Variants in THSD7A observed in about 807,000 individuals in gnomAD.
The protein encoded by THSD7A is thrombospondin type 1 domain containing 7A, also known as thrombospondin type-1 domain-containing protein 7A.
Under a neutral mutation model 231.3 loss-of-function variants are expected in THSD7A, and 96 were observed. The ratio of observed to expected loss-of-function variants is 0.41; its 90% CI spans 0.35 to 0.49. THSD7A has a LOEUF of 0.49. Ranked by LOEUF, THSD7A falls within the 20% of genes least tolerant of loss-of-function variation. The pLI is 0.05. For missense variants in THSD7A, 2,290 were observed against 2,070.2 expected, an observed-to-expected ratio of 1.11 and a Z score of -2.06; for synonymous variants, 940 against 743.3, an observed-to-expected ratio of 1.26 and a Z score of -4.30.
In THSD7A at chr7:11,412,675, G is replaced by C. The variant is rs759558549; in HGVS notation, c.3663C>G (p.His1221Gln). 6.2e-7 allele frequency: 1 copy of C among 1,613,822 alleles called. No homozygotes were observed. The highest frequency in any genetic ancestry group is 1.7e-5 in the Admixed American group (1 of 59,994). ...EPCNLNKNCY[H>Q]YDYNVTDWST... ...ATGTACCTGTTACATTATAATCATA[G>C]TGGTAGCAGTTTTTGTTCAGGTTAC... is the stretch of plus-strand genomic sequence containing the variant. Residue 1221 changes from histidine to glutamine, a missense_variant, in exon 18 of 28, where the codon CAC (histidine) becomes CAG (glutamine). Transcript: ENST00000423059.
At chr7:11,610,222 C>T (rs142104530) in intron 2 of THSD7A, among the ~76,000 whole-genome samples, 1 of 152,234 alleles carries the variant, frequency 6.6e-6, no homozygotes, top group East Asian at 1.9e-4. Context: ...TGATTATATA[C>T]TGACTCTTGT....
chr7:11,532,686 T>C (rs532516248), intron 6 of THSD7A, among the ~76,000 whole-genome samples: 1 of 152,166 alleles, frequency 6.6e-6, no homozygotes, highest in South Asian at 2.1e-4. Context: ...AGATAGAAAA[T>C]GTAAGTATTT....
intron 6 of THSD7A, among the ~76,000 whole-genome samples, chr7:11,500,931 C>A (rs1787307342): frequency 7.3e-6 from 1 of 136,998 alleles, no homozygotes. Flanking sequence ...GAAACTCTGT[C>A]TCAAAAAAAG....
chr7:11,548,885 A>G (rs1789509784), intron 4 of THSD7A, among the ~76,000 whole-genome samples: 1 of 151,966 alleles, frequency 6.6e-6, no homozygotes, highest in South Asian at 2.1e-4. Flanking sequence ...CACACAACCA[A>G]TATTATACCA....
intron 6 of THSD7A, among the ~76,000 whole-genome samples, chr7:11,491,797 C>T (rs917221242): frequency 6.7e-6 from 1 of 150,254 alleles, no homozygotes; most frequent in African/African-American, 2.5e-5. Context: ...GTTGATCTCT[C>T]CAGCTTTGCC....
chr7:11,756,841 C>T (rs1183770914), intron 1 of THSD7A, among the ~76,000 whole-genome samples: 2 of 152,000 alleles, frequency 1.3e-5, no homozygotes, highest in African/African-American at 4.8e-5. Context: ...TAAATCAAAA[C>T]AGCATTTTGT....
At chr7:11,480,507 T>C (rs1786379033) in intron 7 of THSD7A, among the ~76,000 whole-genome samples, 1 of 152,218 alleles carries the variant, frequency 6.6e-6, no homozygotes, top group African/African-American at 2.4e-5. Context: ...GTTAGAGTCA[T>C]TGTTTGACAA....
chr7:11,566,240 G>A (rs1213159043), intron 4 of THSD7A, among the ~76,000 whole-genome samples: 1 of 152,144 alleles, frequency 6.6e-6, no homozygotes, highest in Non-Finnish European at 1.5e-5. Context: ...CATGACCTAT[G>A]CTCAACCTTA....
chr7:11,660,080 A>G (rs1313018897), intron 1 of THSD7A, among the ~76,000 whole-genome samples: 2 of 151,646 alleles, frequency 1.3e-5, no homozygotes, highest in African/African-American at 4.8e-5. Context: ...ATTTATGTCA[A>G]GATGAATGGA....
At chr7:11,508,938 A>T (rs1221551432) in intron 6 of THSD7A, among the ~76,000 whole-genome samples, 1 of 152,206 alleles carries the variant, frequency 6.6e-6, no homozygotes, top group Non-Finnish European at 1.5e-5. Context: ...CAGGGGCTGT[A>T]GGAGAGGGAA....
At chr7:11,613,435 G>A (rs1406236774) in intron 2 of THSD7A, among the ~76,000 whole-genome samples, 1 of 152,182 alleles carries the variant, frequency 6.6e-6, no homozygotes, top group Non-Finnish European at 1.5e-5. Flanking sequence ...TTACGGCTCA[G>A]TGGAACTCAT....
intron 4 of THSD7A, among the ~76,000 whole-genome samples, chr7:11,589,520 C>T (rs962928198): frequency 1.2e-4 from 18 of 152,198 alleles, no homozygotes; most frequent in Admixed American, 9.8e-4. Context: ...GGTTGTATGG[C>T]ATGGCATATT....
chr7:11,733,247 C>T (rs553697953), intron 1 of THSD7A, among the ~76,000 whole-genome samples: 11 of 151,882 alleles, frequency 7.2e-5, no homozygotes, highest in African/African-American at 1.4e-4. Flanking sequence ...TAAGTGTAAG[C>T]TATTCCACTT....
chr7:11,544,208 G>A lies in THSD7A; in HGVS notation c.1454-1091C>T, dbSNP rs561644583. Among the ~76,000 whole-genome samples the A allele has an allele frequency of 5.6e-4, 85 of 152,174 alleles. 1 individual carries two copies. The highest frequency in any genetic ancestry group is 1.0e-3 in the Non-Finnish European group (69 of 68,004). Reference sequence around the variant, plus strand: ...AATACAAAAATTAGCTGGGCGTGGTGGTGCACACCTGTAGTCCCAGCTACT... The same window carrying A: ...AATACAAAAATTAGCTGGGCGTGGTAGTGCACACCTGTAGTCCCAGCTACT... On this transcript the variant is annotated intron_variant, in intron 4 of 27. Transcript: ENST00000423059.
At chr7:11,718,301 C>T (rs571912457) in intron 1 of THSD7A, among the ~76,000 whole-genome samples, 1 of 151,610 alleles carries the variant, frequency 6.6e-6, no homozygotes, top group African/African-American at 2.4e-5. Flanking sequence ...AAATTTTGTT[C>T]CCCCACCCAA....
In THSD7A at chr7:11,769,157, T is replaced by A. The variant is rs917326500; in HGVS notation, c.190+62600A>T. Among the ~76,000 whole-genome samples the A allele has an allele frequency of 8.4e-3, 645 of 76,952 alleles. 12 individuals are homozygous for A. The highest frequency in any genetic ancestry group is 0.015 in the Non-Finnish European group (542 of 36,332). The allele number at this position is 76,952 out of a possible 152,430, so 50.5% of individuals were successfully genotyped here. ...TATATATATATATATATATATATTT[T>A]TTTTTTTTTTTGGTATTTTTGTAGA... On this transcript the variant is annotated intron_variant, in intron 1 of 27. Coordinates refer to ENST00000423059, the MANE Select transcript of THSD7A (RefSeq NM_015204.3).
chr7:11,485,374 G>T (rs1329861357), intron 6 of THSD7A, among the ~76,000 whole-genome samples: 1 of 152,102 alleles, frequency 6.6e-6, no homozygotes, highest in African/African-American at 2.4e-5. Flanking sequence ...CTTCTCTGTG[G>T]AGATTCTCCT....
Position 11,416,901 on chromosome 7 carries a change from G to C in THSD7A, c.3537+549C>G, listed in dbSNP as rs571665972. Among the ~76,000 whole-genome samples the C allele has an allele frequency of 2.4e-4, 36 of 152,254 alleles. No individual in the cohort carries two copies. The Middle Eastern group carries it at 0.027, about 115-fold the overall frequency. On this transcript the variant is annotated intron_variant, in intron 17 of 27. Coordinates refer to ENST00000423059, the MANE Select transcript of THSD7A (RefSeq NM_015204.3). ...GGCTTTCCAGGCCCAAAGAGACACA[G>C]AGTCAGTGTGTAAAGAGAGATTCAT... is the stretch of plus-strand genomic sequence containing the variant.
At chr7:11,631,276 T>A (rs1781645011) in intron 2 of THSD7A, among the ~76,000 whole-genome samples, 1 of 152,188 alleles carries the variant, frequency 6.6e-6, no homozygotes, top group African/African-American at 2.4e-5. Context: ...TTTTTCAGTT[T>A]TCCATTTTCC....
Sources: gnomAD v4.1 joint callset for allele counts (sites outside exome capture counted in the v4.1 genomes callset) on GRCh38, gnomAD v4.1.1 for gene constraint, MANE v1.5 for transcripts, NCBI Gene and HGNC (gene_info 2026-07-23, HGNC 2026-07-21) for gene names.